Variants in SDK1 observed in about 807,000 individuals in gnomAD.
SDK1 encodes protein sidekick-1.
Under a neutral mutation model 245.5 loss-of-function variants are expected in SDK1, and 157 were observed. That is an observed-to-expected ratio of 0.64 (90% CI 0.56 to 0.73). The LOEUF is 0.73. Among genes scored for constraint, SDK1 ranks in the 30% least tolerant of loss-of-function variants. SDK1 has a pLI of 0.00. For missense variants in SDK1, 3,583 were observed against 3,002.3 expected, an observed-to-expected ratio of 1.19 and a Z score of -4.52; for synonymous variants, 1,647 against 1,278.5, an observed-to-expected ratio of 1.29 and a Z score of -6.15.
At chr7:3,691,459 G>A (rs541261024) in intron 4 of SDK1, among the ~76,000 whole-genome samples, 15 of 152,264 alleles carry the variant, frequency 9.9e-5, no homozygotes, top group Admixed American at 2.0e-4. Flanking sequence ...CTTTGCTTCC[G>A]TTACAGGACT....
chr7:3,421,356 G>A (rs777220674), intron 1 of SDK1, among the ~76,000 whole-genome samples: 2 of 152,040 alleles, frequency 1.3e-5, no homozygotes, highest in Non-Finnish European at 1.5e-5. Flanking sequence ...GATTACAGGT[G>A]CAAGCCACCG....
At chr7:4,020,257 C>T (rs1786780987) in intron 17 of SDK1, among the ~76,000 whole-genome samples, 1 of 152,120 alleles carries the variant, frequency 6.6e-6, no homozygotes, top group Admixed American at 6.5e-5. Context: ...AGGCACGTGG[C>T]AGGCAGCAGG....
At chr7:3,735,683 G>A (rs888683258) in intron 4 of SDK1, among the ~76,000 whole-genome samples, 1 of 152,284 alleles carries the variant, frequency 6.6e-6, no homozygotes, top group South Asian at 2.1e-4. Flanking sequence ...TAGATACTGA[G>A]AAGTATTGTT....
intron 1 of SDK1, chr7:3,338,328 C>G (rs970276890): frequency 2.0e-6 from 1 of 502,828 alleles, no homozygotes; most frequent in Non-Finnish European, 3.7e-6. Context: ...CGATGTTACT[C>G]AGCATGCTGT....
At chr7:3,570,975 A>G (rs1283305874) in intron 1 of SDK1, among the ~76,000 whole-genome samples, 1 of 152,066 alleles carries the variant, frequency 6.6e-6, no homozygotes, top group African/African-American at 2.4e-5. Flanking sequence ...AGATATTTGC[A>G]CTTAAAGTAC....
At chr7:4,078,596 G>T (rs114877743) in intron 21 of SDK1, among the ~76,000 whole-genome samples, 12 of 152,248 alleles carry the variant, frequency 7.9e-5, no homozygotes, top group African/African-American at 2.9e-4. Context: ...TCTGAAAGCT[G>T]CCCTAGCCTT....
rs189943953 is a variant in SDK1 at position 4,003,507 on chromosome 7, C to T, written c.2132-7459C>T. Among the ~76,000 whole-genome samples, 939 of 152,290 alleles carry T rather than the reference C, an allele frequency of 6.2e-3. 5 individuals are homozygous for T. Among genetic ancestry groups the T allele is most frequent in the Non-Finnish European group, 0.01 (714 of 68,020 alleles). ...TCTTTCCCGCTCTGTTGCAGGATCC[C>T]GTCCAGGATCTGTTTTGTAGAACGT... On this transcript the variant is annotated intron_variant, in intron 14 of 44. Transcript: ENST00000404826.
intron 44 of SDK1, among the ~76,000 whole-genome samples, chr7:4,253,858 T>C (rs776897205): frequency 5.3e-5 from 8 of 152,230 alleles, no homozygotes; most frequent in Non-Finnish European, 8.8e-5. Flanking sequence ...TTATCAGATA[T>C]TTGCTTTCTA....
At chr7:3,722,008 G>A (rs1778825752) in intron 4 of SDK1, among the ~76,000 whole-genome samples, 1 of 152,066 alleles carries the variant, frequency 6.6e-6, no homozygotes, top group South Asian at 2.1e-4. Flanking sequence ...CAACGATCAT[G>A]CCTCACTGCA....
rs557992339 is a variant in SDK1, at chr7:3,975,778, C to T, written c.1994+1233C>T. On this transcript the variant is annotated intron_variant, in intron 13 of 44. Coordinates refer to ENST00000404826, the MANE Select transcript of SDK1 (RefSeq NM_152744.4). ...TGTTCTGTCTCCTTCCAGGATGACC[C>T]CTTGTTCTCTTTAGATAGCAGAGGT... Among the ~76,000 whole-genome samples the T allele has an allele frequency of 1.4e-4, 22 of 152,340 alleles. No homozygotes were observed. The East Asian group carries it at 4.2e-3, about 29-fold the overall frequency.
At chr7:3,305,766 A>G (rs1014322184) in intron 1 of SDK1, among the ~76,000 whole-genome samples, 1 of 152,080 alleles carries the variant, frequency 6.6e-6, no homozygotes, top group African/African-American at 2.4e-5. Flanking sequence ...CTGTCTTCCA[A>G]ATCCAACAAT....
chr7:4,245,942 A>G (rs1786826193), intron 44 of SDK1, 137 bp downstream of exon 44: 1 of 1,066,606 alleles, frequency 9.4e-7, no homozygotes, highest in African/African-American at 1.6e-5. Context: ...AAAGGGCTTC[A>G]TTATGCAGAT....
intron 1 of SDK1, among the ~76,000 whole-genome samples, chr7:3,350,802 A>AGTTT (rs1780639410): frequency 6.6e-6 from 1 of 152,182 alleles, no homozygotes; most frequent in Non-Finnish European, 1.5e-5. Context: ...GCAGTATGAT[A>AGTTT]GTTTGTGTGA....
At chr7:4,154,985 AT>A (rs1780632829) in intron 30 of SDK1, among the ~76,000 whole-genome samples, 1 of 151,898 alleles carries the variant, frequency 6.6e-6, no homozygotes, top group Non-Finnish European at 1.5e-5. Context: ...AGGATCAAAC[AT>A]TTGGTCTAGG....
intron 26 of SDK1, chr7:4,129,554 C>T (rs1057074468): frequency 1.7e-4 from 111 of 671,712 alleles, no homozygotes; most frequent in Non-Finnish European, 2.1e-4. Flanking sequence ...GCTGCTGGCT[C>T]CTGTGGCAGG....
intron 1 of SDK1, among the ~76,000 whole-genome samples, chr7:3,595,684 A>G (rs939781853): frequency 6.6e-6 from 1 of 151,946 alleles, no homozygotes; most frequent in East Asian, 1.9e-4. Context: ...GTGACTTTGA[A>G]CTAGTCAAAG....
At chr7:3,464,376 G>T (rs956721883) in intron 1 of SDK1, among the ~76,000 whole-genome samples, 1 of 152,036 alleles carries the variant, frequency 6.6e-6, no homozygotes, top group African/African-American at 2.4e-5. Context: ...TTTAAAAATT[G>T]GCCCAGTGTA....
chr7:4,140,621 C>G (rs1343402225), intron 28 of SDK1, among the ~76,000 whole-genome samples: 1 of 152,122 alleles, frequency 6.6e-6, no homozygotes, highest in African/African-American at 2.4e-5. Flanking sequence ...AGCTGGGGCT[C>G]GATGCCGAGG....
chr7:3,707,072 GTTAT>G (rs576338641), intron 4 of SDK1, among the ~76,000 whole-genome samples: 1 of 151,960 alleles, frequency 6.6e-6, no homozygotes, highest in Non-Finnish European at 1.5e-5. Context: ...CTGGATCTTT[GTTAT>G]TTATTTTCTT....
Sources: gnomAD v4.1 joint callset for allele counts (sites outside exome capture counted in the v4.1 genomes callset) on GRCh38, gnomAD v4.1.1 for gene constraint, MANE v1.5 for transcripts, NCBI Gene and HGNC (gene_info 2026-07-23, HGNC 2026-07-21) for gene names.